Variants in GPHN observed in about 807,000 individuals in gnomAD.
GPHN encodes gephyrin.
Under a neutral mutation model 95.5 loss-of-function variants are expected in GPHN, and 17 were observed. The ratio of observed to expected loss-of-function variants is 0.18; its 90% confidence interval spans 0.12 to 0.27. The LOEUF is 0.27. Ranked by LOEUF, GPHN falls within the 10% of genes least tolerant of loss-of-function variation. GPHN has a pLI of 1.00. For missense variants in GPHN, 660 were observed against 978.1 expected, an observed-to-expected ratio of 0.67 and a Z score of 4.34; for synonymous variants, 320 against 322.5, an observed-to-expected ratio of 0.99 and a Z score of 0.08.
chr14:67,385,474 C>T, the GPHN span: 1 of 151,398 alleles, frequency 6.6e-6, no homozygotes, highest in Non-Finnish European at 1.5e-5. Flanking sequence ...TCTTGAATCT[C>T]CCATCAAAGC....
chr14:67,107,528 A>G (rs2078111945), intron 13 of GPHN, among the ~76,000 whole-genome samples: 1 of 152,158 alleles, frequency 6.6e-6, no homozygotes, highest in African/African-American at 2.4e-5. Context: ...CAAACTCCAA[A>G]GAAAAAGGTT....
At chr14:67,056,618 A>T (rs1184193842) in intron 10 of GPHN, among the ~76,000 whole-genome samples, 1 of 152,234 alleles carries the variant, frequency 6.6e-6, no homozygotes, top group African/African-American at 2.4e-5. Context: ...AGCTAGACAT[A>T]AAAGTTCTCC....
intron 12 of GPHN, among the ~76,000 whole-genome samples, chr14:67,096,044 A>G (rs2153673551): frequency 6.6e-6 from 1 of 152,016 alleles, no homozygotes; most frequent in South Asian, 2.1e-4. Context: ...GTATATTCAC[A>G]AGATCTCGAG....
chr14:67,713,397 C>CAAAAAAAAAAAA, the GPHN span, among the ~76,000 whole-genome samples: 1 of 47,630 alleles, frequency 2.1e-5, no homozygotes, highest in Non-Finnish European at 4.1e-5. Context: ...AGTAAAACTC[C>CAAAAAAAAAAAA]AAAAAAAAAA....
chr14:66,684,742 ACTTTT>A (rs930979179), intron 2 of GPHN, among the ~76,000 whole-genome samples: 4 of 133,904 alleles, frequency 3.0e-5, no homozygotes, highest in African/African-American at 7.6e-5. Flanking sequence ...CTTGCTACTA[ACTTTT>A]CTTTTTTTTT....
intron 12 of GPHN, among the ~76,000 whole-genome samples, chr14:67,089,553 C>T (rs1435254604): frequency 6.6e-6 from 1 of 152,028 alleles, no homozygotes; most frequent in Non-Finnish European, 1.5e-5. Flanking sequence ...CTTTCCGTTC[C>T]TACACATGCC....
chr14:67,077,678 C>G (rs1382166580), intron 11 of GPHN, among the ~76,000 whole-genome samples: 1 of 152,140 alleles, frequency 6.6e-6, no homozygotes, highest in Non-Finnish European at 1.5e-5. Flanking sequence ...GGCCAGTCAT[C>G]TCAGTTTTAA....
chr14:66,850,051 T>A (rs1191454933), intron 4 of GPHN, among the ~76,000 whole-genome samples: 1 of 152,162 alleles, frequency 6.6e-6, no homozygotes, highest in Non-Finnish European at 1.5e-5. Flanking sequence ...TCATGGCTGA[T>A]GCATGATAGT....
chr14:67,330,291 C>T, the GPHN span, among the ~76,000 whole-genome samples: 1 of 151,528 alleles, frequency 6.6e-6, no homozygotes, highest in Non-Finnish European at 1.5e-5. Flanking sequence ...TTTGCACTTG[C>T]TTTAGTTTCT....
At chr14:66,555,563 A>G (rs966615204) in intron 1 of GPHN, among the ~76,000 whole-genome samples, 1 of 152,118 alleles carries the variant, frequency 6.6e-6, no homozygotes, top group Non-Finnish European at 1.5e-5. Flanking sequence ...GATGGATTTC[A>G]TTTTTATACT....
chr14:66,863,570 A>G (rs529998010), intron 4 of GPHN, among the ~76,000 whole-genome samples: 1 of 152,296 alleles, frequency 6.6e-6, no homozygotes, highest in South Asian at 2.1e-4. Context: ...TTCAAAGTAT[A>G]TTATAGAGCT....
intron 17 of GPHN, among the ~76,000 whole-genome samples, chr14:67,141,713 C>T (rs763648526): frequency 3.9e-5 from 6 of 152,168 alleles, no homozygotes; most frequent in South Asian, 2.1e-4. Context: ...TATGCCACCT[C>T]CTGACTAGCT....
chr14:67,464,293 G>A, the GPHN span, among the ~76,000 whole-genome samples: 7 of 152,248 alleles, frequency 4.6e-5, no homozygotes, highest in South Asian at 1.5e-3. Flanking sequence ...GGGACCCCAG[G>A]CTCTCCCTGC....
chr14:67,081,549 G>T (rs1362834257), intron 11 of GPHN, among the ~76,000 whole-genome samples: 3 of 152,170 alleles, frequency 2.0e-5, no homozygotes, highest in East Asian at 1.9e-4. Context: ...TCTGTGGGTT[G>T]TCTGTTTACT....
chr14:66,645,743 A>G (rs2064713572), intron 1 of GPHN, among the ~76,000 whole-genome samples: 1 of 151,576 alleles, frequency 6.6e-6, no homozygotes, highest in Non-Finnish European at 1.5e-5. Context: ...CTGATTTTAT[A>G]TGCACCATTT....
intron 3 of GPHN, among the ~76,000 whole-genome samples, chr14:66,819,895 A>G (rs2061123424): frequency 1.3e-5 from 2 of 152,162 alleles, no homozygotes; most frequent in South Asian, 4.1e-4. Context: ...TATTTAAACA[A>G]TTAGGATAAT....
chr14:67,662,102 G>A, the GPHN span, among the ~76,000 whole-genome samples: 1 of 151,880 alleles, frequency 6.6e-6, no homozygotes, highest in Non-Finnish European at 1.5e-5. Flanking sequence ...CTTGCAGTGA[G>A]CCGAGACTGT....
At chr14:66,694,563 T>C (rs903859758) in intron 2 of GPHN, among the ~76,000 whole-genome samples, 67 of 152,240 alleles carry the variant, frequency 4.4e-4, no homozygotes, top group Admixed American at 3.7e-3. Context: ...CTTAAAAAAG[T>C]TAATTCAAAG....
chr14:66,725,015 C>G (rs2153430205), intron 2 of GPHN, among the ~76,000 whole-genome samples: 1 of 152,224 alleles, frequency 6.6e-6, no homozygotes, highest in East Asian at 1.9e-4. Context: ...ATTAAGGTTA[C>G]ATGAGATCAT....
Sources: allele counts gnomAD v4.1 joint callset (sites outside exome capture counted in the v4.1 genomes callset), GRCh38; gene constraint gnomAD v4.1.1; transcripts MANE v1.5; gene names NCBI Gene and HGNC (gene_info 2026-07-23, HGNC 2026-07-21).